Variants in ABCB1 observed in about 807,000 individuals in gnomAD.
ABCB1 encodes the protein ATP binding cassette subfamily B member 1, also known as ATP-dependent translocase ABCB1.
A neutral mutation model predicts 142.0 loss-of-function variants in ABCB1; 69 were observed. The ratio of observed to expected loss-of-function variants is 0.49; its 90% confidence interval spans 0.40 to 0.59. The LOEUF (loss-of-function observed/expected upper bound fraction) is 0.59. ABCB1 is among the 20% of genes least tolerant of loss of function. ABCB1 has a pLI of 0.00. For synonymous variants in ABCB1, 532 were observed against 539.2 expected (o/e 0.99, Z 0.18); for missense variants, 1,326 against 1,554.7 (o/e 0.85, Z 2.47).
intron 6 of ABCB1, among the ~76,000 whole-genome samples, chr7:87,566,503 A>G (rs1253075144): frequency 1.3e-5 from 2 of 152,246 alleles, no homozygotes; most frequent in Non-Finnish European, 2.9e-5. Flanking sequence ...AAATTTCCTC[A>G]GAAAGTATCT....
chr7:87,522,430 A>G, intron 21 of ABCB1: 1 of 632,820 alleles, frequency 1.6e-6, no homozygotes, highest in South Asian at 1.4e-5. Context: ...CTGCCAGGAA[A>G]CAAATCTTAG....
intron 1 of ABCB1, among the ~76,000 whole-genome samples, chr7:87,642,342 C>T (rs1822542217): frequency 6.6e-6 from 1 of 151,860 alleles, no homozygotes; most frequent in Admixed American, 6.6e-5. Flanking sequence ...TTCTGTTCTT[C>T]ACGTTGTTCT....
intron 1 of ABCB1, among the ~76,000 whole-genome samples, chr7:87,688,867 T>A (rs1827738828): frequency 6.6e-6 from 1 of 152,018 alleles, no homozygotes; most frequent in African/African-American, 2.4e-5. Flanking sequence ...GTATTTGTAT[T>A]TATTTATAAT....
chr7:87,569,728 C>T lies in ABCB1; in HGVS notation c.338+444G>A, dbSNP rs28381839. 4.6e-3 allele frequency among the ~76,000 whole-genome samples: 705 copies of T among 152,142 alleles called. 4 individuals carry two copies. The highest frequency in any genetic ancestry group is 0.016 in the African/African-American group (671 of 41,508). ...TGGGGGACAGGGTCCTGCTCTTTCC[C>T]CCAGGCTGGAGTGCAGTGATGTGAT... On this transcript the variant is annotated intron_variant, in intron 5 of 27. Transcript: ENST00000622132.
At chr7:87,627,645 C>T (rs981469676) in intron 1 of ABCB1, 1 of 152,304 alleles carries the variant, frequency 6.6e-6, no homozygotes, top group African/African-American at 2.4e-5. Context: ...GAAGGGGGCG[C>T]TTCCGAACAC....
In ABCB1 at chr7:87,566,203, A is replaced by G. The variant is rs1381284304; in HGVS notation, c.569T>C (p.Ile190Thr). 1.9e-6 allele frequency: 3 copies of G among 1,614,150 alleles called. No homozygotes were observed. Among genetic ancestry groups the G allele is most frequent in the Non-Finnish European group, 1.7e-6 (2 of 1,179,986 alleles). The change falls in exon 7 of 28, where the codon ATT (isoleucine) becomes ACT (threonine). Residue 190 changes from isoleucine (I) to threonine (T), a missense_variant. By Grantham distance (89) the Ile-to-Thr change is moderately conservative. Coordinates refer to ENST00000622132, the MANE Select transcript of ABCB1 (RefSeq NM_001348946.2). ...TGCCATTGACTGAAAGAACATTCCA[A>G]TTTTGTCACCAATTCCTTCATTAAT... ...SKINEGIGDK[I>T]GMFFQSMATF...
At chr7:87,510,913 T>C (rs899603042) in intron 25 of ABCB1, among the ~76,000 whole-genome samples, 1 of 152,134 alleles carries the variant, frequency 6.6e-6, no homozygotes, top group Admixed American at 6.5e-5. Context: ...GCAGATCTTG[T>C]TAGATAAAAC....
At chr7:87,709,122 A>G (rs1829852300) in intron 1 of ABCB1, 1 of 301,406 alleles carries the variant, frequency 3.3e-6, no homozygotes, top group Non-Finnish European at 4.9e-6. Flanking sequence ...TCCTTATAAT[A>G]TAACAGGATT....
intron 7 of ABCB1, among the ~76,000 whole-genome samples, chr7:87,562,326 A>C (rs1028527738): frequency 6.6e-6 from 1 of 152,204 alleles, no homozygotes; most frequent in Non-Finnish European, 1.5e-5. Flanking sequence ...GATTCACTAG[A>C]CATTCCTGAC....
chr7:87,670,407 G>T (rs185391466), intron 1 of ABCB1, among the ~76,000 whole-genome samples: 50 of 152,164 alleles, frequency 3.3e-4, no homozygotes, highest in Middle Eastern at 3.4e-3. Context: ...CCTTGGATTG[G>T]GTTTTGCCAT....
At chr7:87,668,684 C>T (rs1825517849) in intron 1 of ABCB1, among the ~76,000 whole-genome samples, 1 of 152,032 alleles carries the variant, frequency 6.6e-6, no homozygotes, top group Non-Finnish European at 1.5e-5. Flanking sequence ...TATTTTTGTT[C>T]TCATTATTTT....
intron 1 of ABCB1, among the ~76,000 whole-genome samples, chr7:87,607,015 A>G (rs1819679232): frequency 6.6e-6 from 1 of 152,154 alleles, no homozygotes; most frequent in African/African-American, 2.4e-5. Flanking sequence ...TAAGTTTCTC[A>G]TATTTCTGAA....
chr7:87,659,793 G>A (rs1824506401), intron 1 of ABCB1, among the ~76,000 whole-genome samples: 1 of 152,108 alleles, frequency 6.6e-6, no homozygotes, highest in African/African-American at 2.4e-5. Flanking sequence ...ATCTTTTAAT[G>A]TTTGTTTTCA....
At chr7:87,613,011 GTT>G (rs71117545) in intron 1 of ABCB1, among the ~76,000 whole-genome samples, 3,191 of 134,758 alleles carry the variant, frequency 0.024, 56 homozygotes, top group East Asian at 0.09. Context: ...GTTTTGGTGG[GTT>G]TTTTTTTTTT....
Position 87,531,385 on chromosome 7 carries a change from A to G in ABCB1, c.2594T>C (p.Val865Ala), listed in dbSNP as rs1816050405. The change falls in exon 21 of 28, where the codon GTA (valine) becomes GCA (alanine). Residue 865 changes from valine to alanine, a missense_variant. Val to Ala is a moderately conservative substitution (Grantham distance 64). Transcript: ENST00000622132. ...WQLTLLLLAI[V>A]PIIAIAGVVE... ...AACTCCTGCTATTGCAATGATGGGTACAATTGCTAAGAGTAACAGTGTTAG... is the reference window on the plus strand; with the variant it reads ...AACTCCTGCTATTGCAATGATGGGTGCAATTGCTAAGAGTAACAGTGTTAG... 6.2e-7 allele frequency: 1 copy of G among 1,613,334 alleles called. No individual in the cohort carries two copies. The highest frequency in any genetic ancestry group is 8.5e-7 in the Non-Finnish European group (1 of 1,179,626).
intron 1 of ABCB1, among the ~76,000 whole-genome samples, chr7:87,651,278 A>G (rs1477106917): frequency 6.6e-6 from 1 of 152,130 alleles, no homozygotes; most frequent in Non-Finnish European, 1.5e-5. Context: ...CATTATGTTT[A>G]TTTGTTTAGC....
intron 1 of ABCB1, among the ~76,000 whole-genome samples, chr7:87,624,898 A>G (rs1820351499): frequency 6.6e-6 from 1 of 152,244 alleles, no homozygotes; most frequent in Non-Finnish European, 1.5e-5. Context: ...CAGCTTGTTT[A>G]TGGCAAAGTC....
At chr7:87,605,445 C>T (rs796534198), upstream of ABCB1, among the ~76,000 whole-genome samples, 1 of 152,256 alleles carries the variant, frequency 6.6e-6, no homozygotes, top group African/African-American at 2.4e-5. Flanking sequence ...CCTCTATCAA[C>T]TTCTAAGATC....
intron 1 of ABCB1, among the ~76,000 whole-genome samples, chr7:87,625,711 G>C (rs1019244534): frequency 1.3e-5 from 2 of 152,230 alleles, no homozygotes; most frequent in East Asian, 3.9e-4. Flanking sequence ...GAAGAGACAA[G>C]TTAAGTTGTA....
Sources: gnomAD v4.1 joint callset for allele counts (sites outside exome capture counted in the v4.1 genomes callset) on GRCh38, gnomAD v4.1.1 for gene constraint, MANE v1.5 for transcripts, NCBI Gene and HGNC (gene_info 2026-07-23, HGNC 2026-07-21) for gene names.